The following CFAP91 variants were observed in gnomAD, a reference collection of about 807,000 sequenced individuals.
CFAP91 encodes the protein cilia and flagella associated protein 91.
CFAP91 carries 85 observed loss-of-function variants against 95.9 expected under a neutral mutation model. The observed-to-expected ratio is 0.89, with a 90% CI of 0.74 to 1.06. The LOEUF (loss-of-function observed/expected upper bound fraction) is 1.06. Among genes scored for constraint, CFAP91 ranks in the 50% least tolerant of loss-of-function variants. CFAP91 has a pLI of 0.00. For missense variants in CFAP91, 962 were observed against 943.4 expected (o/e 1.02, Z -0.26); for synonymous variants, 335 against 327.5 (o/e 1.02, Z -0.25).
rs1330509294 is a variant in CFAP91 at position 119,766,379 on chromosome 3, C to G, written c.*1329C>G. 6.6e-6 allele frequency: 1 copy of G among 151,924 alleles called. No homozygotes were observed. Among genetic ancestry groups the G allele is most frequent in the Non-Finnish European group, 1.5e-5 (1 of 67,974 alleles). The allele number at this position is 151,924 out of a possible 1,614,324, so 9.4% of individuals were successfully genotyped here. A position where few individuals can be genotyped will look rare whatever the true frequency, so the allele number is the denominator to read the frequency against. On this transcript the variant is annotated 3_prime_UTR_variant, in exon 18 of 18. Coordinates refer to ENST00000273390, the MANE Select transcript of CFAP91 (RefSeq NM_033364.4). ...AAGGGTTCACCTTGCCCTAGCAAAA[C>G]TAGGATTGGGACACCTTTTTTTCCC...
intron 1 of CFAP91, 23 bp downstream of exon 1, chr3:119,703,245 C>A (rs1359115714): frequency 6.2e-7 from 1 of 1,609,768 alleles, no homozygotes; most frequent in Non-Finnish European, 8.5e-7. Context: ...GCAGACCTTC[C>A]TCCGCGTCCG....
rs764592229 is a variant in CFAP91, at chr3:119,744,181, C to T, written c.1887C>T (p.Asp629=). The change falls in exon 14 of 18, where the codon GAC becomes GAT. Residue 629 remains aspartate, a synonymous_variant. Coordinates refer to ENST00000273390, the MANE Select transcript of CFAP91 (RefSeq NM_033364.4). ...QVEKQRLREE[D]EIFKEVVKVH... ...AAAAACAGCGCCTGCGGGAGGAGGA[C>T]GAGATATTTAAGGAGGCAAGTAGGG... 93 of 1,611,656 alleles carry T rather than the reference C, an allele frequency of 5.8e-5. No homozygotes were observed. Among genetic ancestry groups the T allele is most frequent in the Admixed American group, 4.3e-4 (26 of 59,880 alleles).
chr3:119,757,080 T>C (rs2054445558), intron 17 of CFAP91, among the ~76,000 whole-genome samples: 1 of 151,760 alleles, frequency 6.6e-6, no homozygotes, highest in African/African-American at 2.4e-5. Flanking sequence ...ACACCACCCA[T>C]AGAAAAGCAG....
intron 7 of CFAP91, among the ~76,000 whole-genome samples, chr3:119,729,415 G>A (rs1445582453): frequency 1.3e-5 from 2 of 152,134 alleles, no homozygotes; most frequent in East Asian, 1.9e-4. Context: ...GGGAAGCCAA[G>A]GTGGGATCAC....
At chr3:119,757,267 A>T (rs1377666213) in intron 17 of CFAP91, among the ~76,000 whole-genome samples, 3 of 152,172 alleles carry the variant, frequency 2.0e-5, no homozygotes, top group Non-Finnish European at 4.4e-5. Flanking sequence ...CTGCCTGGAG[A>T]AATAGACAAA....
rs996239098 is a variant in CFAP91, at chr3:119,703,040, A to C, written c.-59A>C. The C allele has an allele frequency of 1.2e-5, 19 of 1,529,888 alleles. No homozygotes were observed. Among genetic ancestry groups the C allele is most frequent in the Non-Finnish European group, 1.7e-5 (19 of 1,133,102 alleles). 94.8% of individuals were successfully genotyped at this position (1,529,888 alleles called of 1,614,324 possible). A position where few individuals can be genotyped will look rare whatever the true frequency, so the allele number is the denominator to read the frequency against. On this transcript the variant is annotated 5_prime_UTR_variant, in exon 1 of 18. Coordinates refer to ENST00000273390, the MANE Select transcript of CFAP91 (RefSeq NM_033364.4). ...GGCGGCCGTTACCATAGCGACGTGCACGCAGTAGCCAGGCCTGACCCGCTG... is the reference window on the plus strand; with the variant it reads ...GGCGGCCGTTACCATAGCGACGTGCCCGCAGTAGCCAGGCCTGACCCGCTG...
chr3:119,735,881 A>G (rs1398539954), intron 10 of CFAP91, among the ~76,000 whole-genome samples: 1 of 151,876 alleles, frequency 6.6e-6, no homozygotes, highest in Non-Finnish European at 1.5e-5. Flanking sequence ...ACAACAATAT[A>G]TTTTATTTAT....
chr3:119,709,909 A>G lies in CFAP91; in HGVS notation c.500+14A>G. 1 of 1,583,614 alleles carries G rather than the reference A, an allele frequency of 6.3e-7. No homozygotes were observed. Among genetic ancestry groups the G allele is most frequent in the Non-Finnish European group, 8.7e-7 (1 of 1,153,574 alleles). ...TGCCGTATCCAAGTAAGTAACCATT[A>G]TTTGAAAACTCTTTTTCAGTTTATT... On this transcript the variant is annotated intron_variant, in intron 5 of 17. Transcript: ENST00000273390.
chr3:119,705,313 G>A (rs1165642109), intron 1 of CFAP91, among the ~76,000 whole-genome samples: 1 of 152,222 alleles, frequency 6.6e-6, no homozygotes, highest in African/African-American at 2.4e-5. Flanking sequence ...CAGAACTGTG[G>A]TGGTGCAAAG....
At chr3:119,734,362 C>A (rs2053960366) in intron 10 of CFAP91, among the ~76,000 whole-genome samples, 1 of 152,134 alleles carries the variant, frequency 6.6e-6, no homozygotes, top group Non-Finnish European at 1.5e-5. Context: ...TTTCCCACCT[C>A]ATCCCCACGC....
intron 1 of CFAP91, among the ~76,000 whole-genome samples, chr3:119,704,838 A>G (rs1192546458): frequency 6.6e-6 from 1 of 152,206 alleles, no homozygotes; most frequent in Non-Finnish European, 1.5e-5. Context: ...AGCCCAATGC[A>G]TCACTTTTTC....
At chr3:119,718,860 G>T (rs2053627351) in intron 6 of CFAP91, among the ~76,000 whole-genome samples, 1 of 151,134 alleles carries the variant, frequency 6.6e-6, no homozygotes, top group African/African-American at 2.4e-5. Context: ...ATTTATTTAT[G>T]TAATGTGTTC....
At chr3:119,714,322 C>T (rs1426021859) in intron 5 of CFAP91, among the ~76,000 whole-genome samples, 2 of 148,478 alleles carry the variant, frequency 1.3e-5, no homozygotes, top group African/African-American at 5.0e-5. Flanking sequence ...GCCGAGATCG[C>T]GCTACTGCAC....
chr3:119,753,652 G>A (rs775286652), intron 17 of CFAP91, among the ~76,000 whole-genome samples: 6 of 152,136 alleles, frequency 3.9e-5, no homozygotes, highest in South Asian at 2.1e-4. Flanking sequence ...TATTGGAATC[G>A]TTAGACCCAG....
chr3:119,718,793 A>T (rs2053626046), intron 6 of CFAP91, among the ~76,000 whole-genome samples: 1 of 152,156 alleles, frequency 6.6e-6, no homozygotes, highest in Non-Finnish European at 1.5e-5. Context: ...CGAGATAAAG[A>T]CATTTTCATA....
intron 16 of CFAP91, among the ~76,000 whole-genome samples, chr3:119,748,781 A>T (rs752987589): frequency 1.3e-5 from 2 of 152,190 alleles, no homozygotes; most frequent in Non-Finnish European, 2.9e-5. Context: ...GTTTGTTTCC[A>T]GTTTGTTTTC....
chr3:119,724,705 T>C (rs1347716082), intron 6 of CFAP91, among the ~76,000 whole-genome samples: 3 of 152,090 alleles, frequency 2.0e-5, no homozygotes, highest in Non-Finnish European at 4.4e-5. Flanking sequence ...TACAGAACTT[T>C]AGCCTTCTCT....
Position 119,743,982 on chromosome 3 carries a change from TG to T in CFAP91, c.1690del (p.Val564LeufsTer13), listed in dbSNP as rs2054171335. The T allele has an allele frequency of 6.2e-7, 1 of 1,602,626 alleles. No homozygotes were observed. Among genetic ancestry groups the T allele is most frequent in the Non-Finnish European group, 8.5e-7 (1 of 1,173,440 alleles). On this transcript the variant is annotated frameshift_variant, in exon 14 of 18. Coordinates refer to ENST00000273390, the MANE Select transcript of CFAP91 (RefSeq NM_033364.4). LOFTEE classifies it high-confidence loss of function. Reference protein sequence around the residue: ...QRNLHEHKVSLVENHLAGLEG... With the variant: ...QRNLHEHKVSXVENHLAGLEG... Reference sequence around the variant, plus strand: ...TATGTTATTCTTTTCAAGGTGTCACTGGTTGAAAACCATTTGGCCGGACTGG... The same window carrying T: ...TATGTTATTCTTTTCAAGGTGTCACTGTTGAAAACCATTTGGCCGGACTGG...
chr3:119,739,995 A>C (rs924894294), intron 12 of CFAP91, among the ~76,000 whole-genome samples: 5 of 152,234 alleles, frequency 3.3e-5, no homozygotes, highest in Non-Finnish European at 5.9e-5. Context: ...ATGGACTGAT[A>C]TAAAGCCCCA....
Sources: allele counts gnomAD v4.1 joint callset (sites outside exome capture counted in the v4.1 genomes callset), GRCh38; gene constraint gnomAD v4.1.1; transcripts MANE v1.5; gene names NCBI Gene and HGNC (gene_info 2026-07-23, HGNC 2026-07-21).